The following RFWD3 variants were observed in gnomAD, a reference collection of about 807,000 sequenced individuals.
RFWD3 encodes ring finger and WD repeat domain 3, also known as E3 ubiquitin-protein ligase RFWD3.
A neutral mutation model predicts 87.7 loss-of-function variants in RFWD3; 65 were observed. That is an observed-to-expected ratio of 0.74 (90% confidence interval 0.61 to 0.91). The LOEUF is 0.91. Among genes scored for constraint, RFWD3 ranks in the 40% least tolerant of loss-of-function variants. The pLI, the probability that RFWD3 is intolerant of heterozygous loss-of-function variation, is 0.00. For missense variants in RFWD3, 1,078 were observed against 938.5 expected (o/e 1.15, Z -1.94); for synonymous variants, 433 against 352.8 (o/e 1.23, Z -2.55).
intron 3 of RFWD3, among the ~76,000 whole-genome samples, chr16:74,649,875 A>G (rs750619812): frequency 2.6e-5 from 4 of 152,150 alleles, no homozygotes; most frequent in African/African-American, 4.8e-5. Flanking sequence ...GAAATGTCCT[A>G]CACATCCTGG....
In RFWD3 at chr16:74,630,881, CCTCATCAAGACACCAGCAACAG is replaced by C. The variant is rs1399707664; in HGVS notation, c.1632_1653del (p.Ser544ArgfsTer29). On this transcript the variant is annotated frameshift_variant, in exon 10 of 13. Coordinates refer to ENST00000361070, the MANE Select transcript of RFWD3 (RefSeq NM_018124.4). LOFTEE classifies it high-confidence loss of function. ...GCCAGTCCAGCATAGATGTAGTTAG[CCTCATCAAGACACCAGCAACAG>C]CTCCAGACAGGACGTCCAGCATTAT... 1.9e-6 allele frequency: 3 copies of C among 1,614,016 alleles called. No homozygotes were observed. Among genetic ancestry groups the C allele is most frequent in the Non-Finnish European group, 2.5e-6 (3 of 1,179,940 alleles).
At chr16:74,662,538 C>G (rs1266640677) in intron 1 of RFWD3, among the ~76,000 whole-genome samples, 3 of 152,130 alleles carry the variant, frequency 2.0e-5, no homozygotes, top group Non-Finnish European at 4.4e-5. Context: ...AGAGGACCAA[C>G]TAAGACACAA....
Position 74,644,362 on chromosome 16 carries a change from C to A in RFWD3, c.1079G>T (p.Ser360Ile), listed in dbSNP as rs768578105. Residue 360 changes from serine to isoleucine, a missense_variant and splice_region_variant, in exon 6 of 13, where the codon AGT becomes ATT. Physicochemically the swap from Ser to Ile is moderately radical, Grantham distance 142. Coordinates refer to ENST00000361070, the MANE Select transcript of RFWD3 (RefSeq NM_018124.4). ...AGCCAGGCATACTCTTACCACCTAC[C>A]TTTTCATGCGCTCCTGTTCACTAGT... ...LDTSEQERMK[S>I]SLLKEQMLRK... 1 of 1,614,050 alleles carries A rather than the reference C, an allele frequency of 6.2e-7. No homozygotes were observed. The highest frequency in any genetic ancestry group is 1.1e-5 in the South Asian group (1 of 91,084).
rs972226867 is a variant in RFWD3 at position 74,644,456 on chromosome 16, A to G, written c.988-3T>C. The G allele has an allele frequency of 3.1e-5, 50 of 1,614,124 alleles. No homozygotes were observed. The highest frequency in any genetic ancestry group is 1.3e-4 in the East Asian group (6 of 44,904). ...CTGTGCCTGGCTTTCTTGTTGCACT[A>G]AAGAACCCAATAGGACATAATTAGA... On this transcript the variant is annotated splice_region_variant and splice_polypyrimidine_tract_variant and intron_variant, in intron 5 of 12. Transcript: ENST00000361070.
At chr16:74,644,821 T>G in intron 4 of RFWD3, 86 bp from the exon 5 acceptor site, 1 of 1,283,400 alleles carries the variant, frequency 7.8e-7, no homozygotes, top group Non-Finnish European at 1.1e-6. Flanking sequence ...TTAACAGAAG[T>G]GCAAAAAAAA....
chr16:74,664,377 C>CA (rs1961709749), intron 1 of RFWD3: 2 of 152,210 alleles, frequency 1.3e-5, no homozygotes, highest in African/African-American at 2.4e-5. Flanking sequence ...TTCAGGAAGA[C>CA]AAAGGGGAGA....
At chr16:74,624,099 C>A in intron 12 of RFWD3, 28 bp from the exon 13 acceptor site, 1 of 1,609,806 alleles carries the variant, frequency 6.2e-7, no homozygotes. Flanking sequence ...AGGGAAGGGT[C>A]AGGAGTCAGT....
At chr16:74,630,388 G>A (rs1312088908) in intron 10 of RFWD3, among the ~76,000 whole-genome samples, 3 of 152,238 alleles carry the variant, frequency 2.0e-5, no homozygotes, top group Admixed American at 6.5e-5. Flanking sequence ...GTAAGCCACC[G>A]CACCCAGCGA....
At chr16:74,653,463 T>C (rs1296783157) in intron 2 of RFWD3, among the ~76,000 whole-genome samples, 3 of 150,138 alleles carry the variant, frequency 2.0e-5, no homozygotes, top group Admixed American at 6.6e-5. Context: ...CACTCCAGCC[T>C]AGGTGGCAAG....
intron 12 of RFWD3, among the ~76,000 whole-genome samples, chr16:74,624,537 A>T (rs1335219312): frequency 4.6e-5 from 7 of 152,154 alleles, no homozygotes; most frequent in African/African-American, 1.7e-4. Context: ...CTGGGATTAC[A>T]GACATCCACC....
chr16:74,635,484 TCAA>T (rs1179600781), intron 8 of RFWD3, among the ~76,000 whole-genome samples: 1 of 142,214 alleles, frequency 7.0e-6, no homozygotes, highest in Non-Finnish European at 1.5e-5. Context: ...AAAAAAAAAA[TCAA>T]CAAGGTAACA....
intron 4 of RFWD3, among the ~76,000 whole-genome samples, chr16:74,647,627 C>G (rs948254621): frequency 7.9e-5 from 12 of 151,766 alleles, no homozygotes; most frequent in Non-Finnish European, 1.6e-4. Context: ...AGTCGTGCTC[C>G]GTCTCCCAAG....
intron 3 of RFWD3, among the ~76,000 whole-genome samples, chr16:74,650,754 G>A (rs1390313426): frequency 6.6e-6 from 1 of 152,100 alleles, no homozygotes; most frequent in African/African-American, 2.4e-5. Flanking sequence ...GCATGCACAT[G>A]TAGTCCTAGC....
chr16:74,644,675 C>G lies in RFWD3; in HGVS notation c.853G>C (p.Asp285His), dbSNP rs951819114. The stretch of plus-strand genomic sequence containing the variant: ...TGTTCCAGACATATTGTACAAGTGT[C>G]CCCTTCTTCCTCATCCATAGAAGCA... ...PSASMDEEEG[D>H]TCTICLEQWT... The change falls in exon 5 of 13, where the codon GAC becomes CAC. Residue 285 changes from aspartate (D) to histidine (H), a missense_variant. Transcript: ENST00000361070. 6.2e-7 allele frequency: 1 copy of G among 1,614,102 alleles called. No individual in the cohort carries two copies. The highest frequency in any genetic ancestry group is 1.3e-5 in the African/African-American group (1 of 74,936).
rs750430318 is a variant in RFWD3 at position 74,630,809 on chromosome 16, C to G, written c.1726G>C (p.Val576Leu). ...VYDVRNTSSH[V>L]QELVAQKARC... The stretch of plus-strand genomic sequence containing the variant: ...GCTTTCTGAGCTACTAACTCCTGCA[C>G]ATGACTGCTCGTGTTTCGCACGTCA... The change falls in exon 10 of 13, where the codon GTG becomes CTG. Residue 576 changes from valine to leucine, a missense_variant. Val to Leu is a conservative substitution (Grantham distance 32, BLOSUM62 1). Transcript: ENST00000361070. 2.5e-5 allele frequency: 41 copies of G among 1,611,892 alleles called. No homozygotes were observed. Among genetic ancestry groups the G allele is most frequent in the Admixed American group, 5.0e-5 (3 of 59,614 alleles).
intron 4 of RFWD3, among the ~76,000 whole-genome samples, chr16:74,647,838 C>G (rs559774357): frequency 1.5e-3 from 222 of 152,322 alleles, no homozygotes; most frequent in African/African-American, 5.1e-3. Flanking sequence ...GTGATCCGCC[C>G]GCCTTGGCCT....
intron 6 of RFWD3, among the ~76,000 whole-genome samples, chr16:74,640,069 T>G (rs1370648566): frequency 6.6e-6 from 1 of 152,138 alleles, no homozygotes; most frequent in Non-Finnish European, 1.5e-5. Flanking sequence ...GTTTCAGGCA[T>G]TCACTGGGGG....
At chr16:74,664,725 G>GGA (rs781279588) in intron 1 of RFWD3, 1 of 150,440 alleles carries the variant, frequency 6.6e-6, no homozygotes, top group Non-Finnish European at 1.5e-5. Context: ...CTCCAGACCG[G>GGA]GAGAGAGAGT....
In RFWD3 at chr16:74,644,607, A is replaced by G; in HGVS notation, c.921T>C (p.Cys307=). The change falls in exon 5 of 13, where the codon TGT becomes TGC. Residue 307 remains cysteine, a synonymous_variant. Coordinates refer to ENST00000361070, the MANE Select transcript of RFWD3 (RefSeq NM_018124.4). ...TGCACCTATACCCAAAGAGATGCCCACAGCGTAATGCTGAGAGCCGGTGGT... is the reference window on the plus strand; with the variant it reads ...TGCACCTATACCCAAAGAGATGCCCGCAGCGTAATGCTGAGAGCCGGTGGT... ...AGDHRLSALR[C]GHLFGYRCIS... 1 of 1,614,212 alleles carries G rather than the reference A, an allele frequency of 6.2e-7. No homozygotes were observed. The highest frequency in any genetic ancestry group is 8.5e-7 in the Non-Finnish European group (1 of 1,180,046).
Sources: allele counts gnomAD v4.1 joint callset (sites outside exome capture counted in the v4.1 genomes callset), GRCh38; gene constraint gnomAD v4.1.1; transcripts MANE v1.5; gene names NCBI Gene and HGNC (gene_info 2026-07-23, HGNC 2026-07-21).